NALF1: variants seen among roughly 807,000 people sequenced by gnomAD.
NALF1 encodes family with sequence similarity 155 member A.
In NALF1, 3 loss-of-function variants were observed where a neutral mutation model predicts 48.4. That is an observed-to-expected ratio of 0.06 (90% CI 0.03 to 0.16). The LOEUF (loss-of-function observed/expected upper bound fraction) is 0.16. Ranked by LOEUF, NALF1 falls within the 10% of genes least tolerant of loss-of-function variation. The pLI, the probability that NALF1 is intolerant of heterozygous loss-of-function variation, is 1.00. For synonymous variants in NALF1, 262 were observed against 245.7 expected (o/e 1.07, Z -0.62); for missense variants, 526 against 571.5 (o/e 0.92, Z 0.81).
intron 1 of NALF1, among the ~76,000 whole-genome samples, chr13:107,298,185 T>C (rs1214956181): frequency 6.6e-6 from 1 of 151,008 alleles, no homozygotes; most frequent in East Asian, 2.0e-4. Context: ...CCGTCTCTAA[T>C]AAAAAATACA....
intron 1 of NALF1, among the ~76,000 whole-genome samples, chr13:107,438,570 G>C (rs1263803384): frequency 6.6e-6 from 1 of 151,898 alleles, no homozygotes; most frequent in Non-Finnish European, 1.5e-5. Context: ...TTGGGAGGCC[G>C]AGGTGGGAGG....
intron 1 of NALF1, among the ~76,000 whole-genome samples, chr13:107,842,031 T>G (rs1880055445): frequency 6.6e-6 from 1 of 152,082 alleles, no homozygotes; most frequent in Admixed American, 6.6e-5. Flanking sequence ...ACTTGAAGTA[T>G]CATATTCATT....
chr13:107,269,073 G>GGA, intron 1 of NALF1, among the ~76,000 whole-genome samples: 1 of 151,792 alleles, frequency 6.6e-6, no homozygotes, highest in Admixed American at 6.6e-5. Flanking sequence ...TGAGGTGGGA[G>GGA]GATGGTTTGA....
At chr13:107,379,819 T>C (rs1466862799) in intron 1 of NALF1, among the ~76,000 whole-genome samples, 5 of 152,204 alleles carry the variant, frequency 3.3e-5, no homozygotes, top group Admixed American at 6.5e-5. Flanking sequence ...CAACTTATCA[T>C]AGAATACACT....
chr13:107,249,893 C>T (rs1366677009), intron 1 of NALF1, among the ~76,000 whole-genome samples: 7 of 152,108 alleles, frequency 4.6e-5, no homozygotes, highest in Admixed American at 6.5e-5. Context: ...TTAAGGGACA[C>T]GCAGTCAATT....
At chr13:107,186,443 C>T (rs577057341) in intron 2 of NALF1, among the ~76,000 whole-genome samples, 61 of 152,306 alleles carry the variant, frequency 4.0e-4, no homozygotes, top group African/African-American at 1.2e-3. Context: ...TCGCGGCTCA[C>T]GGCAACCTCT....
In NALF1 at chr13:107,536,005, G is replaced by C. The variant is rs145634635; in HGVS notation, c.916-325250C>G. 7.1e-3 allele frequency among the ~76,000 whole-genome samples: 1,075 copies of C among 152,220 alleles called. 42 individuals carry two copies. The East Asian group carries it at 0.1, about 15-fold the overall frequency. ...GATTCCTTATTTAATAAATGGTGCT[G>C]GGAAAACTGGCTAGCCATATGTAGA... On this transcript the variant is annotated intron_variant, in intron 1 of 2. Coordinates refer to ENST00000375915, the MANE Select transcript of NALF1 (RefSeq NM_001080396.3).
At chr13:107,311,205 C>T (rs1020417349) in intron 1 of NALF1, among the ~76,000 whole-genome samples, 14 of 151,908 alleles carry the variant, frequency 9.2e-5, no homozygotes, top group Non-Finnish European at 2.1e-4. Context: ...TACAGTCTAC[C>T]TGAAAAAAGG....
chr13:107,588,875 C>T (rs1566405049), intron 1 of NALF1, among the ~76,000 whole-genome samples: 3 of 152,108 alleles, frequency 2.0e-5, no homozygotes, highest in East Asian at 1.9e-4. Flanking sequence ...TAAATGGCAA[C>T]GCCACAATTT....
At chr13:107,386,366 A>G (rs1358461129) in intron 1 of NALF1, among the ~76,000 whole-genome samples, 1 of 152,106 alleles carries the variant, frequency 6.6e-6, no homozygotes, top group African/African-American at 2.4e-5. Context: ...TGGAAATTAC[A>G]TTTCTCCTTA....
chr13:107,606,151 AATT>A (rs1879060872), intron 1 of NALF1, among the ~76,000 whole-genome samples: 2 of 152,106 alleles, frequency 1.3e-5, no homozygotes, highest in Admixed American at 1.3e-4. Context: ...TTGTTACAAA[AATT>A]ATTATGACAA....
chr13:107,512,152 T>C (rs1180729190), intron 1 of NALF1, among the ~76,000 whole-genome samples: 1 of 152,210 alleles, frequency 6.6e-6, no homozygotes, highest in African/African-American at 2.4e-5. Flanking sequence ...CCCAGCACTT[T>C]GGGAGGCCAA....
intron 1 of NALF1, among the ~76,000 whole-genome samples, chr13:107,795,060 A>T (rs999454078): frequency 6.6e-6 from 1 of 152,300 alleles, no homozygotes; most frequent in South Asian, 2.1e-4. Context: ...ATTTGCATAC[A>T]AAAGTAATTG....
At chr13:107,588,294 C>A (rs1279936037) in intron 1 of NALF1, among the ~76,000 whole-genome samples, 1 of 152,042 alleles carries the variant, frequency 6.6e-6, no homozygotes, top group African/African-American at 2.4e-5. Flanking sequence ...AATGTTGAGT[C>A]CCTGTCTTGA....
At chr13:107,368,544 G>A (rs527914155) in intron 1 of NALF1, among the ~76,000 whole-genome samples, 10 of 152,196 alleles carry the variant, frequency 6.6e-5, no homozygotes, top group Admixed American at 2.0e-4. Context: ...TCCACTCTTC[G>A]TCTCTTCTGG....
At chr13:107,483,265 A>G (rs1483394763) in intron 1 of NALF1, among the ~76,000 whole-genome samples, 4 of 152,190 alleles carry the variant, frequency 2.6e-5, no homozygotes, top group Non-Finnish European at 5.9e-5. Context: ...AATCTCATTA[A>G]AAGTCCCAAA....
chr13:107,405,450 T>A (rs1196133148), intron 1 of NALF1, among the ~76,000 whole-genome samples: 1 of 152,044 alleles, frequency 6.6e-6, no homozygotes, highest in Non-Finnish European at 1.5e-5. Context: ...GGCCTTTCTG[T>A]TGATTGATCC....
chr13:107,284,359 AC>A (rs1269209830), intron 1 of NALF1, among the ~76,000 whole-genome samples: 2 of 152,184 alleles, frequency 1.3e-5, no homozygotes, highest in Non-Finnish European at 2.9e-5. Flanking sequence ...TCAAAGGAAA[AC>A]AAAACAAAAC....
chr13:107,485,163 G>T (rs979118449), intron 1 of NALF1, among the ~76,000 whole-genome samples: 5 of 152,136 alleles, frequency 3.3e-5, no homozygotes, highest in Non-Finnish European at 7.3e-5. Flanking sequence ...TCTTCCCAAT[G>T]ATGAAGGCTC....
Sources: allele counts gnomAD v4.1 joint callset (sites outside exome capture counted in the v4.1 genomes callset), GRCh38; gene constraint gnomAD v4.1.1; transcripts MANE v1.5; gene names NCBI Gene and HGNC (gene_info 2026-07-23, HGNC 2026-07-21).